RBFOX1: variants seen among roughly 807,000 people sequenced by gnomAD.
RBFOX1 encodes RNA binding protein fox-1 homolog 1.
A neutral mutation model predicts 57.7 loss-of-function variants in RBFOX1; 8 were observed. That is an observed-to-expected ratio of 0.14 (90% confidence interval 0.08 to 0.25). The LOEUF (loss-of-function observed/expected upper bound fraction) is 0.25, where lower values mean the gene tolerates loss of function less well. Among genes scored for constraint, RBFOX1 ranks in the 10% least tolerant of loss-of-function variants. The pLI, the probability that RBFOX1 is intolerant of heterozygous loss-of-function variation, is 1.00. For synonymous variants in RBFOX1, 326 were observed against 222.4 expected, an observed-to-expected ratio of 1.47 and a Z score of -4.15; for missense variants, 611 against 548.5, an observed-to-expected ratio of 1.11 and a Z score of -1.14.
In RBFOX1 at chr16:7,567,323, C is replaced by A. The variant is rs55822310; in HGVS notation, c.271-12454C>A. Among the ~76,000 whole-genome samples, 3 of 84,250 alleles carry A rather than the reference C, an allele frequency of 3.6e-5. 1 individual carries two copies. The highest frequency in any genetic ancestry group is 7.2e-5 in the Non-Finnish European group (3 of 41,448). 55.3% of individuals were successfully genotyped at this position (84,250 alleles called of 152,430 possible). ...TGGCCCTATATATATATATATATATCTCCCTATATATGGCCCTATATATAT... is the reference window on the plus strand; with the variant it reads ...TGGCCCTATATATATATATATATATATCCCTATATATGGCCCTATATATAT... On this transcript the variant is annotated intron_variant, in intron 5 of 15. Coordinates refer to ENST00000550418, the MANE Select transcript of RBFOX1 (RefSeq NM_018723.4).
chr16:6,801,426 A>C (rs558010690), intron 3 of RBFOX1, among the ~76,000 whole-genome samples: 60 of 152,320 alleles, frequency 3.9e-4, no homozygotes, highest in African/African-American at 1.3e-3. Context: ...AGCTGAAGAT[A>C]AATAAGCAAA....
intron 4 of RBFOX1, among the ~76,000 whole-genome samples, chr16:7,277,074 T>C (rs943526868): frequency 4.6e-5 from 7 of 152,252 alleles, no homozygotes; most frequent in Non-Finnish European, 8.8e-5. Context: ...TAGCAAACGT[T>C]GTATTTTGCA....
intron 4 of RBFOX1, among the ~76,000 whole-genome samples, chr16:7,198,566 G>T (rs1017007594): frequency 2.0e-5 from 3 of 152,260 alleles, no homozygotes; most frequent in Non-Finnish European, 4.4e-5. Flanking sequence ...AGTGTATTTG[G>T]CTCATGGGTT....
chr16:5,618,473 G>A (rs1354498943), intron 3 of RBFOX1, among the ~76,000 whole-genome samples: 1 of 152,088 alleles, frequency 6.6e-6, no homozygotes, highest in East Asian at 1.9e-4. Flanking sequence ...AAGTAGCTGG[G>A]ACTACAGGCG....
intron 2 of RBFOX1, among the ~76,000 whole-genome samples, chr16:6,375,950 A>C (rs1323020447): frequency 1.3e-5 from 2 of 152,034 alleles, no homozygotes; most frequent in Non-Finnish European, 2.9e-5. Flanking sequence ...GTGAACTTGG[A>C]TTACTCTTTG....
At chr16:6,957,270 T>C (rs993968499) in intron 3 of RBFOX1, among the ~76,000 whole-genome samples, 6 of 151,912 alleles carry the variant, frequency 3.9e-5, no homozygotes, top group African/African-American at 1.5e-4. Flanking sequence ...TAGCTGGGAC[T>C]ACAGGTGCCC....
chr16:7,173,281 C>A (rs935392472), intron 4 of RBFOX1, among the ~76,000 whole-genome samples: 1 of 152,158 alleles, frequency 6.6e-6, no homozygotes, highest in Admixed American at 6.5e-5. Flanking sequence ...TCAAATCCAA[C>A]GTGCATTTAG....
chr16:5,669,894 G>C (rs550444026), intron 3 of RBFOX1, among the ~76,000 whole-genome samples: 1 of 152,216 alleles, frequency 6.6e-6, no homozygotes, highest in African/African-American at 2.4e-5. Flanking sequence ...AATGTTCATA[G>C]CAACATTGTT....
At chr16:6,920,512 C>G (rs1027033900) in intron 3 of RBFOX1, among the ~76,000 whole-genome samples, 3 of 152,158 alleles carry the variant, frequency 2.0e-5, no homozygotes, top group Non-Finnish European at 4.4e-5. Flanking sequence ...TTGTAATTGC[C>G]AAGGGCTACC....
chr16:7,570,608 C>T (rs79863437), intron 5 of RBFOX1, among the ~76,000 whole-genome samples: 3 of 152,158 alleles, frequency 2.0e-5, no homozygotes, highest in African/African-American at 7.2e-5. Flanking sequence ...AGTTTTATTG[C>T]AGAGCTACCT....
intron 4 of RBFOX1, among the ~76,000 whole-genome samples, chr16:5,867,963 C>T (rs1014119514): frequency 6.6e-6 from 1 of 152,160 alleles, no homozygotes; most frequent in Admixed American, 6.5e-5. Context: ...CTGCTCGCCT[C>T]AGCCTCCTAA....
At chr16:7,472,055 TGCTATGCCTGGCATCTCTCCTTCA>T (rs2061656019) in intron 4 of RBFOX1, among the ~76,000 whole-genome samples, 1 of 152,220 alleles carries the variant, frequency 6.6e-6, no homozygotes, top group Admixed American at 6.5e-5. Context: ...ACAATTTAGC[TGCTATGCCTGGCATCTCTCCTTCA>T]GCATATCCTG....
chr16:7,623,253 T>C (rs7186834), intron 10 of RBFOX1, among the ~76,000 whole-genome samples: 77,939 of 152,062 alleles, frequency 0.51, 21,149 homozygotes, highest in East Asian at 0.72. Context: ...TTTCCACGGG[T>C]CGGGTAGCAG....
chr16:7,505,623 T>C (rs967683330), intron 4 of RBFOX1, among the ~76,000 whole-genome samples: 3 of 152,160 alleles, frequency 2.0e-5, no homozygotes, highest in African/African-American at 7.2e-5. Flanking sequence ...TAACTCCAAA[T>C]GGAAAATCAG....
chr16:6,120,150 A>G (rs2152629669), intron 1 of RBFOX1, among the ~76,000 whole-genome samples: 1 of 152,320 alleles, frequency 6.6e-6, no homozygotes, highest in Admixed American at 6.5e-5. Flanking sequence ...ATAACGTTCC[A>G]CTGTATGGAT....
intron 3 of RBFOX1, among the ~76,000 whole-genome samples, chr16:5,825,170 C>A (rs957222061): frequency 3.9e-5 from 6 of 152,192 alleles, no homozygotes; most frequent in South Asian, 2.1e-4. Flanking sequence ...AGTCCCAGCT[C>A]GGCTATGCAC....
intron 3 of RBFOX1, among the ~76,000 whole-genome samples, chr16:5,726,055 C>T (rs1010210898): frequency 1.3e-5 from 2 of 152,026 alleles, no homozygotes; most frequent in Admixed American, 1.3e-4. Context: ...CTCTCTACTT[C>T]CTTTTTCTTT....
intron 3 of RBFOX1, among the ~76,000 whole-genome samples, chr16:5,837,093 T>A (rs539926149): frequency 1.2e-4 from 18 of 152,258 alleles, no homozygotes; most frequent in Middle Eastern, 3.4e-3. Context: ...CACTCATTCA[T>A]AATTCTAGCC....
chr16:6,387,936 C>T (rs1031405743), intron 2 of RBFOX1, among the ~76,000 whole-genome samples: 2 of 150,640 alleles, frequency 1.3e-5, no homozygotes, highest in African/African-American at 2.4e-5. Flanking sequence ...GGTGAGCATG[C>T]GCACCTATCA....
Sources: gnomAD v4.1 joint callset for allele counts (sites outside exome capture counted in the v4.1 genomes callset) on GRCh38, gnomAD v4.1.1 for gene constraint, MANE v1.5 for transcripts, NCBI Gene and HGNC (gene_info 2026-07-23, HGNC 2026-07-21) for gene names.